Variants in HSD17B12 observed in about 807,000 individuals in gnomAD.
HSD17B12 encodes the protein very-long-chain 3-oxoacyl-CoA reductase.
A neutral mutation model predicts 39.3 loss-of-function variants in HSD17B12; 32 were observed. That is an observed-to-expected ratio of 0.81 (90% CI 0.61 to 1.09). The LOEUF (loss-of-function observed/expected upper bound fraction) is 1.09, where lower values mean the gene tolerates loss of function less well. HSD17B12 is among the 50% of genes least tolerant of loss of function. The pLI, the probability that HSD17B12 is intolerant of heterozygous loss-of-function variation, is 0.00. For synonymous variants in HSD17B12, 150 were observed against 146.7 expected, an observed-to-expected ratio of 1.02 and a Z score of -0.16; for missense variants, 342 against 382.9, an observed-to-expected ratio of 0.89 and a Z score of 0.89.
chr11:43,583,397 C>CCTG, the HSD17B12 span, among the ~76,000 whole-genome samples: 1 of 152,202 alleles, frequency 6.6e-6, no homozygotes, highest in Non-Finnish European at 1.5e-5. Context: ...TGGAGAAGCT[C>CCTG]CTGCTGCTGC....
chr11:43,643,263 C>T, the HSD17B12 span, among the ~76,000 whole-genome samples: 1 of 152,070 alleles, frequency 6.6e-6, no homozygotes, highest in Non-Finnish European at 1.5e-5. Flanking sequence ...GGATATTGAA[C>T]TTACATTGAT....
chr11:43,726,939 T>A (rs1225633389), intron 1 of HSD17B12, among the ~76,000 whole-genome samples: 1 of 152,186 alleles, frequency 6.6e-6, no homozygotes, highest in Admixed American at 6.5e-5. Flanking sequence ...TCTAAAAAAA[T>A]TTTTAAGGCT....
the HSD17B12 span, among the ~76,000 whole-genome samples, chr11:43,595,999 C>T: frequency 6.6e-6 from 1 of 152,184 alleles, no homozygotes; most frequent in South Asian, 2.1e-4. Context: ...TTTGATAGCA[C>T]TGATAGGGAC....
the HSD17B12 span, among the ~76,000 whole-genome samples, chr11:43,594,527 C>CTT: frequency 1.4e-5 from 2 of 144,146 alleles, no homozygotes; most frequent in African/African-American, 2.5e-5. Flanking sequence ...TTTCTTTTCT[C>CTT]TTTTTTTTTT....
At chr11:43,613,769 C>A in the HSD17B12 span, among the ~76,000 whole-genome samples, 1 of 151,844 alleles carries the variant, frequency 6.6e-6, no homozygotes, top group African/African-American at 2.4e-5. Flanking sequence ...TGGGTTCAAG[C>A]GATTCCCCTG....
chr11:43,749,897 A>C (rs2134937628), intron 1 of HSD17B12, among the ~76,000 whole-genome samples: 1 of 152,178 alleles, frequency 6.6e-6, no homozygotes, highest in African/African-American at 2.4e-5. Flanking sequence ...CCCTTTTTGA[A>C]GCAGACATCT....
the HSD17B12 span, among the ~76,000 whole-genome samples, chr11:43,627,162 A>G: frequency 6.6e-6 from 1 of 152,034 alleles, no homozygotes; most frequent in Non-Finnish European, 1.5e-5. Context: ...GTATGACGAC[A>G]TTAAGAGAAA....
chr11:43,746,164 G>A (rs1342835283), intron 1 of HSD17B12, among the ~76,000 whole-genome samples: 2 of 152,062 alleles, frequency 1.3e-5, no homozygotes, highest in Admixed American at 6.6e-5. Flanking sequence ...CTTTATAAAC[G>A]TTTAATACTT....
chr11:43,784,862 G>C (rs937543413), intron 3 of HSD17B12, among the ~76,000 whole-genome samples: 1 of 152,086 alleles, frequency 6.6e-6, no homozygotes, highest in Non-Finnish European at 1.5e-5. Flanking sequence ...GGTCTTAAAA[G>C]CCTTTTTTTA....
Position 43,752,497 on chromosome 11 carries a change from T to TCC in HSD17B12, c.207+1540_207+1541insCC, listed in dbSNP as rs561560879. Among the ~76,000 whole-genome samples, 7 of 152,166 alleles carry TCC rather than the reference T, an allele frequency of 4.6e-5. 1 individual carries two copies. In the East Asian group the frequency reaches 1.4e-3, roughly 29 times the overall value. On this transcript the variant is annotated intron_variant, in intron 2 of 10. Transcript: ENST00000278353. ...GGGAGGCTGAGGTGGGTGGATCACCTGAGGTCAGGAGTTCAAGACCAGCCT... is the reference window on the plus strand; with the variant it reads ...GGGAGGCTGAGGTGGGTGGATCACCTCCGAGGTCAGGAGTTCAAGACCAGCCT...
chr11:43,813,043 G>A (rs778802838), intron 4 of HSD17B12, among the ~76,000 whole-genome samples: 4 of 152,030 alleles, frequency 2.6e-5, no homozygotes, highest in African/African-American at 4.8e-5. Context: ...GGGTTTCACC[G>A]TGTTAGCCAG....
At chr11:43,789,094 C>T (rs2135026871) in intron 3 of HSD17B12, among the ~76,000 whole-genome samples, 1 of 152,308 alleles carries the variant, frequency 6.6e-6, no homozygotes, top group East Asian at 1.9e-4. Context: ...GTTTTGCCAA[C>T]ATCTGCCCTT....
the HSD17B12 span, among the ~76,000 whole-genome samples, chr11:43,662,364 A>C: frequency 7.5e-6 from 1 of 132,812 alleles, no homozygotes; most frequent in Non-Finnish European, 1.6e-5. Context: ...ACTCCCTGCT[A>C]ATTTTATTTT....
At chr11:43,680,710 A>C (rs1949733637), upstream of HSD17B12, 1 of 881,800 alleles carries the variant, frequency 1.1e-6, no homozygotes, top group Non-Finnish European at 1.8e-6. Context: ...TTTAGGCCCA[A>C]AGTGGTGTCG....
intron 9 of HSD17B12, among the ~76,000 whole-genome samples, chr11:43,850,862 G>C (rs1281868452): frequency 6.6e-6 from 1 of 152,204 alleles, no homozygotes; most frequent in Non-Finnish European, 1.5e-5. Context: ...GGGAGTTCGA[G>C]ACCAGCCTGG....
At position 43,759,894 on chromosome 11, in the gene HSD17B12, A is replaced by AT. The variant is rs759446486; in HGVS notation, c.283+5787dup. On this transcript the variant is annotated intron_variant, in intron 3 of 10. Transcript: ENST00000278353. ...AGGCTTGTACCACCACACTTGGCTG[A>AT]TTTTTTTTTTTTTTAAATTGAGACA... Among the ~76,000 whole-genome samples, 530 of 142,456 alleles carry AT rather than the reference A, an allele frequency of 3.7e-3. 2 individuals are homozygous for AT. Among genetic ancestry groups the AT allele is most frequent in the African/African-American group, 0.011 (446 of 38,990 alleles). The allele number at this position is 142,456 out of a possible 152,430, so 93.5% of individuals were successfully genotyped here.
intron 1 of HSD17B12, among the ~76,000 whole-genome samples, chr11:43,730,300 T>C (rs960456694): frequency 3.9e-5 from 6 of 152,174 alleles, no homozygotes; most frequent in Non-Finnish European, 7.3e-5. Flanking sequence ...CTGAGAAATA[T>C]TGTGCTGGAT....
At chr11:43,700,026 A>C (rs970888034) in intron 1 of HSD17B12, among the ~76,000 whole-genome samples, 1 of 152,036 alleles carries the variant, frequency 6.6e-6, no homozygotes, top group Non-Finnish European at 1.5e-5. Flanking sequence ...GCAGAACTCA[A>C]GTTTCAGGGT....
At chr11:43,680,315 G>T (rs1384107482), upstream of HSD17B12, among the ~76,000 whole-genome samples, 2 of 152,096 alleles carry the variant, frequency 1.3e-5, no homozygotes, top group Non-Finnish European at 2.9e-5. Context: ...CAAGCGATTC[G>T]CCCGCCTCGG....
Sources: gnomAD v4.1 joint callset for allele counts (sites outside exome capture counted in the v4.1 genomes callset) on GRCh38, gnomAD v4.1.1 for gene constraint, MANE v1.5 for transcripts, NCBI Gene and HGNC (gene_info 2026-07-23, HGNC 2026-07-21) for gene names.